Variants in ST7L observed in about 807,000 individuals in gnomAD.
ST7L encodes suppressor of tumorigenicity 7 protein-like.
In ST7L, 57 loss-of-function variants were observed where a neutral mutation model predicts 72.5. The observed-to-expected ratio is 0.79, with a 90% CI of 0.64 to 0.98. The LOEUF is 0.98. ST7L is among the 50% of genes least tolerant of loss of function. The pLI is 0.00. For synonymous variants in ST7L, 221 were observed against 240.9 expected, an observed-to-expected ratio of 0.92 and a Z score of 0.77; for missense variants, 576 against 672.2, an observed-to-expected ratio of 0.86 and a Z score of 1.58.
chr1:112,580,119 A>G (rs559106279), intron 9 of ST7L, among the ~76,000 whole-genome samples: 3 of 152,286 alleles, frequency 2.0e-5, no homozygotes, highest in East Asian at 1.9e-4. Flanking sequence ...GTAGGAACCT[A>G]TAACAGGACA....
rs868627553 is a variant in ST7L at position 112,584,356 on chromosome 1, A to T, written c.702-230T>A. 6.9e-4 allele frequency among the ~76,000 whole-genome samples: 61 copies of T among 87,926 alleles called. No homozygotes were observed. The highest frequency in any genetic ancestry group is 1.8e-3 in the African/African-American group (45 of 25,634). The allele number at this position is 87,926 out of a possible 152,430, so 57.7% of individuals were successfully genotyped here. On this transcript the variant is annotated intron_variant, in intron 6 of 14. Coordinates refer to ENST00000358039, the MANE Select transcript of ST7L (RefSeq NM_017744.5). Reference sequence around the variant, plus strand: ...TATCTTTCCCTTCTCTTTGTTTTTTAAAAAAAAAAAACAAAATTTTTAAAC... The same window carrying T: ...TATCTTTCCCTTCTCTTTGTTTTTTTAAAAAAAAAAACAAAATTTTTAAAC...
chr1:112,611,935 C>A (rs2101043323), intron 2 of ST7L, among the ~76,000 whole-genome samples: 1 of 144,584 alleles, frequency 6.9e-6, no homozygotes, highest in Non-Finnish European at 1.5e-5. Flanking sequence ...GCACCACTGC[C>A]CTCCAGCCTG....
intron 6 of ST7L, among the ~76,000 whole-genome samples, chr1:112,587,366 C>T (rs146401699): frequency 0.049 from 7,531 of 152,244 alleles, 253 homozygotes; most frequent in East Asian, 0.087. Flanking sequence ...CTTTGGGAGG[C>T]TGAGGTGGGT....
At chr1:112,595,370 G>GA (rs67553307) in intron 5 of ST7L, among the ~76,000 whole-genome samples, 3,814 of 52,156 alleles carry the variant, frequency 0.073, 336 homozygotes, top group East Asian at 0.22. Flanking sequence ...GGTCTCAAAA[G>GA]AAAAAAAAAA....
intron 11 of ST7L, among the ~76,000 whole-genome samples, chr1:112,571,862 A>C (rs1662204922): frequency 6.6e-6 from 1 of 152,174 alleles, no homozygotes; most frequent in Admixed American, 6.5e-5. Flanking sequence ...AGTCACACAA[A>C]TTTTTTGGTT....
At chr1:112,550,559 C>T in intron 13 of ST7L, 42 bp downstream of exon 13, 1 of 1,449,364 alleles carries the variant, frequency 6.9e-7, no homozygotes, top group South Asian at 1.2e-5. Flanking sequence ...ACAATCTAAA[C>T]TTACTACTTT....
intron 14 of ST7L, chr1:112,540,802 G>A (rs2101373162): frequency 7.8e-7 from 1 of 1,286,354 alleles, no homozygotes; most frequent in Non-Finnish European, 1.0e-6. Context: ...GTTTTTCCAT[G>A]GTTCTCAGTG....
chr1:112,580,801 A>C (rs1290264125), intron 9 of ST7L, among the ~76,000 whole-genome samples: 1 of 152,124 alleles, frequency 6.6e-6, no homozygotes, highest in African/African-American at 2.4e-5. Flanking sequence ...GGTGGCAGGC[A>C]CCTGTAGACC....
chr1:112,599,073 A>AAAAAAAATATAT (rs1190968815), intron 4 of ST7L, among the ~76,000 whole-genome samples: 7 of 56,992 alleles, frequency 1.2e-4, no homozygotes, highest in Admixed American at 2.8e-4. Context: ...AAAAAAAAAA[A>AAAAAAAATATAT]ATATATATAT....
chr1:112,542,804 CTTTTT>C (rs1335705976), intron 13 of ST7L, among the ~76,000 whole-genome samples: 1 of 147,158 alleles, frequency 6.8e-6, no homozygotes, highest in African/African-American at 2.5e-5. Flanking sequence ...TGAGTTGCTA[CTTTTT>C]TTTTTGAAGA....
chr1:112,535,411 AGAAGAAGAAGAT>A (rs988600513), intron 14 of ST7L, among the ~76,000 whole-genome samples: 11 of 150,918 alleles, frequency 7.3e-5, no homozygotes, highest in Admixed American at 2.0e-4. Context: ...AAGAAGAAGA[AGAAGAAGAAGAT>A]GAAGAAGAAG....
chr1:112,542,117 A>T, intron 13 of ST7L, 27 bp from the exon 14 acceptor site: 1 of 1,555,984 alleles, frequency 6.4e-7, no homozygotes, highest in Non-Finnish European at 8.7e-7. Context: ...GTAAGAATCA[A>T]TTTTATTTCA....
At chr1:112,520,755 G>A (rs1358207522), downstream of ST7L, 1 of 569,700 alleles carries the variant, frequency 1.8e-6, no homozygotes, top group Non-Finnish European at 3.1e-6. Context: ...TGAAGGGAGA[G>A]TAGAAGAGAT....
In ST7L at chr1:112,526,394, T is replaced by C. The variant is rs557397598; in HGVS notation, c.1630-283A>G. The C allele has an allele frequency of 1.2e-5, 4 of 322,710 alleles. No homozygotes were observed. In the South Asian group the frequency reaches 2.3e-4, roughly 19 times the overall value. 20.0% of individuals were successfully genotyped at this position (322,710 alleles called of 1,614,324 possible). A position where few individuals can be genotyped will look rare whatever the true frequency, so the allele number is the denominator to read the frequency against. ...CTAGTCCTTTTGAAATTATGCTAAA[T>C]GTATAGACACAGTAGAAGTAGTCAT... On this transcript the variant is annotated intron_variant, in intron 14 of 14. Transcript: ENST00000358039.
chr1:112,611,724 G>A (rs867184260), intron 2 of ST7L, among the ~76,000 whole-genome samples: 7 of 152,196 alleles, frequency 4.6e-5, no homozygotes, highest in African/African-American at 1.7e-4. Context: ...CCAAAAGAGG[G>A]ATCCTCAAGA....
In ST7L at chr1:112,543,413, T is replaced by C. The variant is rs770876618; in HGVS notation, c.1490-1323A>G. 8.1e-4 allele frequency among the ~76,000 whole-genome samples: 124 copies of C among 152,170 alleles called. 1 individual carries two copies. Among genetic ancestry groups the C allele is most frequent in the Non-Finnish European group, 1.3e-3 (88 of 68,002 alleles). ...AAATATAAAAATTAGGTGGGCGTGG[T>C]GACACGCGCCTATAGTCCCAGCTAC... On this transcript the variant is annotated intron_variant, in intron 13 of 14. Coordinates refer to ENST00000358039, the MANE Select transcript of ST7L (RefSeq NM_017744.5).
In ST7L at chr1:112,619,049, C is replaced by A. The variant is rs966621251; in HGVS notation, c.65G>T (p.Gly22Val). Residue 22 changes from glycine (G) to valine (V), a missense_variant, in exon 1 of 15, where the codon GGC (glycine) becomes GTC (valine). Transcript: ENST00000358039. ...CCTCCAGCCTAGCGTCGGGTTTAGG[C>A]CAGGGACAGATGCAGGAGACGCTCC... Reference protein sequence around the residue: ...AVGASPASVPGLNPTLGWRER... With the variant: ...AVGASPASVPVLNPTLGWRER... 2 of 1,613,840 alleles carry A rather than the reference C, an allele frequency of 1.2e-6. No homozygotes were observed. Among genetic ancestry groups the A allele is most frequent in the African/African-American group, 2.7e-5 (2 of 74,928 alleles).
intron 14 of ST7L, chr1:112,541,682 T>A (rs1656124584): frequency 1.4e-6 from 1 of 690,762 alleles, no homozygotes; most frequent in South Asian, 7.1e-5. Flanking sequence ...ATGCTGTTTA[T>A]CACCAAAAGT....
At chr1:112,585,577 C>T (rs937412715) in intron 6 of ST7L, among the ~76,000 whole-genome samples, 2 of 151,852 alleles carry the variant, frequency 1.3e-5, no homozygotes, top group African/African-American at 2.4e-5. Context: ...AAAAAAAATA[C>T]AAAAAATTAG....
Sources: allele counts gnomAD v4.1 joint callset (sites outside exome capture counted in the v4.1 genomes callset), GRCh38; gene constraint gnomAD v4.1.1; transcripts MANE v1.5; gene names NCBI Gene and HGNC (gene_info 2026-07-23, HGNC 2026-07-21).